Variants in UGT3A2 observed in about 807,000 individuals in gnomAD.
The protein encoded by UGT3A2 is UDP-glycosyltransferase 3A2.
Under a neutral mutation model 39.8 loss-of-function variants are expected in UGT3A2, and 32 were observed. The ratio of observed to expected loss-of-function variants is 0.80; its 90% CI spans 0.61 to 1.08. The LOEUF (loss-of-function observed/expected upper bound fraction) is 1.08. Ranked by LOEUF, UGT3A2 falls within the 50% of genes least tolerant of loss-of-function variation. The pLI is 0.00. For synonymous variants in UGT3A2, 241 were observed against 230.7 expected (o/e 1.04, Z -0.40); for missense variants, 611 against 637.1 (o/e 0.96, Z 0.44).
intron 2 of UGT3A2, among the ~76,000 whole-genome samples, chr5:36,058,557 A>G (rs1417181359): frequency 6.6e-6 from 1 of 152,100 alleles, no homozygotes; most frequent in Admixed American, 6.5e-5. Context: ...GCTTCTTGTG[A>G]TTAGGCAAAT....
intron 4 of UGT3A2, among the ~76,000 whole-genome samples, chr5:36,048,085 G>A (rs2111725664): frequency 6.6e-6 from 1 of 152,300 alleles, no homozygotes; most frequent in Non-Finnish European, 1.5e-5. Flanking sequence ...GAAATACATG[G>A]TGGGGGAAGG....
intron 2 of UGT3A2, among the ~76,000 whole-genome samples, chr5:36,054,599 T>G (rs563714179): frequency 6.6e-6 from 1 of 152,072 alleles, no homozygotes; most frequent in Non-Finnish European, 1.5e-5. Flanking sequence ...TCTATGAAAC[T>G]AGGAAAAAAT....
In UGT3A2 at chr5:36,035,636, G is replaced by C; in HGVS notation, c.*62C>G. The C allele has an allele frequency of 6.4e-7, 1 of 1,570,222 alleles. No individual in the cohort carries two copies. The highest frequency in any genetic ancestry group is 1.2e-5 in the South Asian group (1 of 84,402). ...AGAATGGGGCTGCCAGAACTAGTGG[G>C]AAGCTCCCTAGAAATGGTGACATCG... On this transcript the variant is annotated 3_prime_UTR_variant, in exon 7 of 7. Coordinates refer to ENST00000282507, the MANE Select transcript of UGT3A2 (RefSeq NM_174914.4).
At chr5:36,055,023 T>C (rs1416563010) in intron 2 of UGT3A2, among the ~76,000 whole-genome samples, 2 of 151,942 alleles carry the variant, frequency 1.3e-5, no homozygotes, top group Non-Finnish European at 2.9e-5. Context: ...TATAAAATTC[T>C]TGGGTACCGG....
intron 2 of UGT3A2, among the ~76,000 whole-genome samples, chr5:36,062,802 G>A (rs914182207): frequency 2.0e-5 from 3 of 152,208 alleles, no homozygotes; most frequent in African/African-American, 7.2e-5. Context: ...CACTTTGGGA[G>A]GCCAAGGCAG....
At chr5:36,059,163 A>C (rs1319775892) in intron 2 of UGT3A2, among the ~76,000 whole-genome samples, 2 of 152,126 alleles carry the variant, frequency 1.3e-5, no homozygotes, top group Non-Finnish European at 2.9e-5. Flanking sequence ...TGAGTGAGGA[A>C]GGTCTGGGAG....
At chr5:36,052,947 T>A (rs1386203037) in intron 2 of UGT3A2, among the ~76,000 whole-genome samples, 1 of 152,220 alleles carries the variant, frequency 6.6e-6, no homozygotes, top group Non-Finnish European at 1.5e-5. Flanking sequence ...TTTGCAGTCA[T>A]AGAGTTGGCT....
At position 36,035,962 on chromosome 5, in the gene UGT3A2, C is replaced by T. The variant is rs199583598; in HGVS notation, c.1308G>A (p.Ala436=). The part of the protein sequence containing the change: ...QIMEDKRYKS[A]AVAASVILRS... ...GCAGGATGACACTGGCAGCCACTGC[C>T]GCGGACTTGTATCTGTTGAGAGAGA... The change falls in exon 7 of 7, where the codon GCG becomes GCA. Residue 436 remains alanine (A), a synonymous_variant. Coordinates refer to ENST00000282507, the MANE Select transcript of UGT3A2 (RefSeq NM_174914.4). 1.2e-4 allele frequency: 193 copies of T among 1,613,640 alleles called. 3 individuals are homozygous for T. The highest frequency in any genetic ancestry group is 1.1e-3 in the South Asian group (103 of 91,050).
At position 36,039,706 on chromosome 5, in the gene UGT3A2, G is replaced by C. The variant is rs776013019; in HGVS notation, c.846C>G (p.Asp282Glu). The change falls in exon 5 of 7, where the codon GAC (aspartate) becomes GAG (glutamate). Residue 282 changes from aspartate (D) to glutamate (E), a missense_variant and splice_region_variant. Physicochemically the swap from Asp to Glu is conservative, Grantham distance 45 (BLOSUM62 2). Coordinates refer to ENST00000282507, the MANE Select transcript of UGT3A2 (RefSeq NM_174914.4). The stretch of plus-strand genomic sequence containing the variant: ...CAAACTTGGCAATGAAGTTCTCCAA[G>C]TCCTGGAGAAAGATTACCAAGGTAA... ...MEKPIKPVPQ[D>E]LENFIAKFGD... 1 of 1,614,038 alleles carries C rather than the reference G, an allele frequency of 6.2e-7. No individual in the cohort carries two copies. Among genetic ancestry groups the C allele is most frequent in the South Asian group, 1.1e-5 (1 of 91,074 alleles).
At chr5:36,052,160 T>G (rs1742365182) in intron 2 of UGT3A2, among the ~76,000 whole-genome samples, 176 bp from the exon 3 acceptor site, 1 of 152,214 alleles carries the variant, frequency 6.6e-6, no homozygotes, top group African/African-American at 2.4e-5. Context: ...GCTCTGTCAT[T>G]TAGGCTGGAG....
intron 2 of UGT3A2, among the ~76,000 whole-genome samples, chr5:36,060,562 G>C (rs773156084): frequency 2.0e-5 from 3 of 152,150 alleles, no homozygotes; most frequent in Non-Finnish European, 2.9e-5. Context: ...GAAGCTCAGC[G>C]GCTGCCTTTG....
chr5:36,054,145 G>A (rs1370103547), intron 2 of UGT3A2, among the ~76,000 whole-genome samples: 2 of 152,210 alleles, frequency 1.3e-5, no homozygotes, highest in Admixed American at 6.5e-5. Context: ...TGGGCCACGA[G>A]TTAGACAAGC....
At chr5:36,037,699 G>GCAAAA in intron 6 of UGT3A2, 98 bp downstream of exon 6, 2 of 1,318,484 alleles carry the variant, frequency 1.5e-6, no homozygotes, top group African/African-American at 1.5e-5. Context: ...TTAATCTAAA[G>GCAAAA]CAAAACAAAA....
At chr5:36,043,072 A>C (rs1439666628) in intron 4 of UGT3A2, among the ~76,000 whole-genome samples, 1 of 152,116 alleles carries the variant, frequency 6.6e-6, no homozygotes, top group Non-Finnish European at 1.5e-5. Flanking sequence ...AATGACTGCA[A>C]AAAAGACATT....
chr5:36,045,124 A>G (rs1365451703), intron 4 of UGT3A2, among the ~76,000 whole-genome samples: 1 of 152,224 alleles, frequency 6.6e-6, no homozygotes, highest in East Asian at 1.9e-4. Flanking sequence ...TGGTACTGGC[A>G]TAAAAAACAA....
At chr5:36,042,523 G>A (rs1250748562) in intron 4 of UGT3A2, among the ~76,000 whole-genome samples, 1 of 151,998 alleles carries the variant, frequency 6.6e-6, no homozygotes, top group Non-Finnish European at 1.5e-5. Flanking sequence ...AAAATGACAG[G>A]AGTAAGTCCT....
intron 2 of UGT3A2, among the ~76,000 whole-genome samples, chr5:36,061,853 A>G (rs1285341882): frequency 1.3e-5 from 2 of 151,722 alleles, no homozygotes; most frequent in African/African-American, 4.9e-5. Context: ...TTACAGTCCC[A>G]CCAACAGTGT....
chr5:36,064,077 G>A (rs528736242), intron 2 of UGT3A2, among the ~76,000 whole-genome samples, 172 bp downstream of exon 2: 4 of 152,182 alleles, frequency 2.6e-5, no homozygotes, highest in East Asian at 3.9e-4. Context: ...GTCAGGTCCC[G>A]GTAATTAGAG....
At chr5:36,055,350 G>A (rs149991119) in intron 2 of UGT3A2, among the ~76,000 whole-genome samples, 372 of 151,802 alleles carry the variant, frequency 2.5e-3, no homozygotes, top group African/African-American at 8.4e-3. Context: ...CATGTGCCTC[G>A]GTCCTCTGAG....
Sources: gnomAD v4.1 joint callset for allele counts (sites outside exome capture counted in the v4.1 genomes callset) on GRCh38, gnomAD v4.1.1 for gene constraint, MANE v1.5 for transcripts, NCBI Gene and HGNC (gene_info 2026-07-23, HGNC 2026-07-21) for gene names.